The following UBASH3B variants were observed in gnomAD, a reference collection of about 807,000 sequenced individuals.
UBASH3B encodes ubiquitin associated and SH3 domain containing B, also known as ubiquitin-associated and SH3 domain-containing protein B.
In UBASH3B, 37 loss-of-function variants were observed where a neutral mutation model predicts 83.4. That is an observed-to-expected ratio of 0.44 (90% confidence interval 0.34 to 0.58). The LOEUF (loss-of-function observed/expected upper bound fraction) is 0.58. UBASH3B is among the 20% of genes least tolerant of loss of function. The pLI is 0.01. For synonymous variants in UBASH3B, 304 were observed against 318.3 expected, an observed-to-expected ratio of 0.96 and a Z score of 0.48; for missense variants, 657 against 827.2, an observed-to-expected ratio of 0.79 and a Z score of 2.52.
intron 1 of UBASH3B, among the ~76,000 whole-genome samples, chr11:122,664,520 A>G (rs1863487831): frequency 6.6e-6 from 1 of 152,212 alleles, no homozygotes; most frequent in Admixed American, 6.5e-5. Flanking sequence ...CCAAAGGCTT[A>G]TGGAGAATCT....
chr11:122,715,388 A>G (rs988029377), intron 1 of UBASH3B, among the ~76,000 whole-genome samples: 2 of 152,244 alleles, frequency 1.3e-5, no homozygotes, highest in Admixed American at 6.5e-5. Context: ...GCCTCCTTCA[A>G]AACAGTTGTA....
intron 1 of UBASH3B, among the ~76,000 whole-genome samples, chr11:122,721,786 T>C (rs893410087): frequency 3.3e-5 from 5 of 152,252 alleles, no homozygotes; most frequent in African/African-American, 1.2e-4. Flanking sequence ...CTAACATAAC[T>C]TCTTAGGCTT....
At position 122,789,109 on chromosome 11, in the gene UBASH3B, G is replaced by C; in HGVS notation, c.781G>C (p.Val261Leu). The C allele has an allele frequency of 6.2e-7, 1 of 1,612,484 alleles. No homozygotes were observed. The highest frequency in any genetic ancestry group is 8.5e-7 in the Non-Finnish European group (1 of 1,179,564). Residue 261 changes from valine to leucine, a missense_variant, in exon 6 of 14, where the codon GTC (valine) becomes CTC (leucine). Around this residue, in one of 3 missense-constraint regions of UBASH3B, gnomAD observed 573 missense variants for 739.0 expected, o/e 0.78. Coordinates refer to ENST00000284273, the MANE Select transcript of UBASH3B (RefSeq NM_032873.5). ...IRFANHETLQ[V>L]IYPYTPQNDD... is the part of the protein sequence containing the mutation. ...TCTCTTCCTTTTCCAGACATTACAGGTCATCTACCCCTATACCCCACAAAA... is the reference window on the plus strand; with the variant it reads ...TCTCTTCCTTTTCCAGACATTACAGCTCATCTACCCCTATACCCCACAAAA...
At chr11:122,681,771 G>A (rs1373937194) in intron 1 of UBASH3B, among the ~76,000 whole-genome samples, 1 of 152,070 alleles carries the variant, frequency 6.6e-6, no homozygotes, top group Non-Finnish European at 1.5e-5. Flanking sequence ...TCCCTTCAGG[G>A]TTTGAAAAAA....
At chr11:122,670,201 A>C (rs568081880) in intron 1 of UBASH3B, among the ~76,000 whole-genome samples, 1 of 151,444 alleles carries the variant, frequency 6.6e-6, no homozygotes, top group Admixed American at 6.6e-5. Context: ...GTGTGTGTGT[A>C]TATACACTGC....
In UBASH3B at chr11:122,805,783, T is replaced by G. The variant is rs74319427; in HGVS notation, c.1596-627T>G. Among the ~76,000 whole-genome samples the G allele has an allele frequency of 8.4e-3, 1,286 of 152,228 alleles. 89 individuals carry two copies. In the East Asian group the frequency reaches 0.16, roughly 19 times the overall value. ...TGAGGGACACACAGTATCACATGCC[T>G]TTGTAGATTGTATAGTAATTATCAT... is the stretch of plus-strand genomic sequence containing the variant. On this transcript the variant is annotated intron_variant, in intron 11 of 13. Transcript: ENST00000284273.
At chr11:122,703,237 C>T (rs896167176) in intron 1 of UBASH3B, among the ~76,000 whole-genome samples, 6 of 152,018 alleles carry the variant, frequency 3.9e-5, no homozygotes, top group Non-Finnish European at 5.9e-5. Context: ...AGCATCCTGG[C>T]TAACACAGTG....
intron 1 of UBASH3B, among the ~76,000 whole-genome samples, chr11:122,687,316 A>G (rs7111714): frequency 0.012 from 1,753 of 152,348 alleles, 29 homozygotes; most frequent in African/African-American, 0.038. Context: ...AGGTCACGGT[A>G]TTTCCAAGTA....
intron 6 of UBASH3B, among the ~76,000 whole-genome samples, chr11:122,789,907 C>G (rs939815271): frequency 2.0e-5 from 3 of 152,198 alleles, no homozygotes; most frequent in African/African-American, 7.2e-5. Flanking sequence ...AATAACTTTC[C>G]ACCCGTCCCT....
chr11:122,758,515 G>A lies in UBASH3B; in HGVS notation c.162-17704G>A, dbSNP rs1174701292. Among the ~76,000 whole-genome samples, 1 of 152,200 alleles carries A rather than the reference G, an allele frequency of 6.6e-6. No homozygotes were observed. Among genetic ancestry groups the A allele is most frequent in the Non-Finnish European group, 1.5e-5 (1 of 68,034 alleles). ...GGACAGCTGGAAAGGGCAGTCAGTG[G>A]TGGGGGCGGAGGGGGCACCCAGTGG... On this transcript the variant is annotated intron_variant, in intron 1 of 13. Coordinates refer to ENST00000284273, the MANE Select transcript of UBASH3B (RefSeq NM_032873.5). This position sits in a 1 kb window ranked among gnomAD's most constrained non-coding sequence, Gnocchi z 4.2.
chr11:122,787,243 G>A (rs368268771), intron 5 of UBASH3B, among the ~76,000 whole-genome samples: 15 of 152,266 alleles, frequency 9.9e-5, no homozygotes, highest in East Asian at 7.7e-4. Flanking sequence ...GAGATTTCGC[G>A]TGAATTGTTT....
intron 1 of UBASH3B, among the ~76,000 whole-genome samples, chr11:122,692,606 C>G (rs1489944579): frequency 2.0e-5 from 3 of 152,198 alleles, no homozygotes; most frequent in African/African-American, 7.2e-5. Flanking sequence ...ATGTGGAAGA[C>G]AGTTTGCATA....
chr11:122,796,334 A>G, intron 8 of UBASH3B, 58 bp downstream of exon 8: 1 of 1,594,646 alleles, frequency 6.3e-7, no homozygotes, highest in Non-Finnish European at 8.6e-7. Flanking sequence ...TCTAGGCGGC[A>G]CAGTCAAGCT....
At chr11:122,749,916 A>G (rs1360873365) in intron 1 of UBASH3B, among the ~76,000 whole-genome samples, 1 of 152,140 alleles carries the variant, frequency 6.6e-6, no homozygotes, top group Admixed American at 6.5e-5. Flanking sequence ...TATTTTTAGT[A>G]GAGATGGGTT....
At chr11:122,801,624 C>G (rs915029986) in intron 11 of UBASH3B, among the ~76,000 whole-genome samples, 2 of 152,314 alleles carry the variant, frequency 1.3e-5, no homozygotes, top group Admixed American at 6.5e-5. Context: ...CAGCAATAAG[C>G]ACGAGCTAAT....
At chr11:122,764,377 T>G (rs1209656460) in intron 1 of UBASH3B, among the ~76,000 whole-genome samples, 1 of 152,238 alleles carries the variant, frequency 6.6e-6, no homozygotes, top group Non-Finnish European at 1.5e-5. Context: ...ATCACTTCCT[T>G]TCTGAAAACG....
intron 1 of UBASH3B, among the ~76,000 whole-genome samples, chr11:122,720,500 G>C (rs1485503788): frequency 6.6e-6 from 1 of 152,196 alleles, no homozygotes; most frequent in African/African-American, 2.4e-5. Context: ...TCACTCCACT[G>C]CTCAAAATGC....
chr11:122,682,815 A>C (rs1863759099), intron 1 of UBASH3B, among the ~76,000 whole-genome samples: 1 of 152,172 alleles, frequency 6.6e-6, no homozygotes, highest in African/African-American at 2.4e-5. Context: ...CTACTGATTA[A>C]AAAAATTTAA....
chr11:122,753,554 A>G (rs1861235246), intron 1 of UBASH3B, among the ~76,000 whole-genome samples: 1 of 147,350 alleles, frequency 6.8e-6, no homozygotes, highest in South Asian at 2.2e-4. Flanking sequence ...GCTGGAGTGA[A>G]ATGGCGAACT....
Sources: allele counts gnomAD v4.1 joint callset (sites outside exome capture counted in the v4.1 genomes callset), GRCh38; gene constraint gnomAD v4.1.1; regional missense constraint gnomAD v4.1.1; non-coding constraint Gnocchi (gnomAD v3.1); transcripts MANE v1.5; gene names NCBI Gene and HGNC (gene_info 2026-07-23, HGNC 2026-07-21).